RAB36: variants seen among roughly 807,000 people sequenced by gnomAD.
RAB36 encodes ras-related protein Rab-36.
In RAB36, 33 loss-of-function variants were observed where a neutral mutation model predicts 39.3. The observed-to-expected ratio is 0.84, with a 90% CI of 0.64 to 1.12. RAB36 has a LOEUF of 1.12. RAB36 is among the 50% of genes most tolerant of loss of function. RAB36 has a pLI of 0.00. For missense variants in RAB36, 308 were observed against 355.3 expected, an observed-to-expected ratio of 0.87 and a Z score of 1.07; for synonymous variants, 133 against 140.2, an observed-to-expected ratio of 0.95 and a Z score of 0.36.
chr22:23,169,237 C>T (rs553053787), downstream of RAB36, among the ~76,000 whole-genome samples: 3 of 152,344 alleles, frequency 2.0e-5, no homozygotes, highest in Admixed American at 6.5e-5. Flanking sequence ...ATCTTTGCTC[C>T]GCACTCTGGC....
At position 23,162,605 on chromosome 22, in the gene RAB36, A is replaced by C. The variant is rs1288063954; in HGVS notation, c.*1041A>C. On this transcript the variant is annotated 3_prime_UTR_variant, in exon 11 of 11. Transcript: ENST00000263116. ...GACAGAAATACCCCACACATTCCCCAGCCTCTCTGCCCAGTATGCTCATCC... is the reference window on the plus strand; with the variant it reads ...GACAGAAATACCCCACACATTCCCCCGCCTCTCTGCCCAGTATGCTCATCC... 1 of 455,212 alleles carries C rather than the reference A, an allele frequency of 2.2e-6. No individual in the cohort carries two copies. The highest frequency in any genetic ancestry group is 4.4e-6 in the Non-Finnish European group (1 of 226,222). 28.2% of individuals were successfully genotyped at this position (455,212 alleles called of 1,614,324 possible).
chr22:23,159,742 CAG>C (rs547921889), intron 9 of RAB36, among the ~76,000 whole-genome samples: 96 of 152,328 alleles, frequency 6.3e-4, no homozygotes, highest in Middle Eastern at 3.4e-3. Context: ...GGCCCAGTGA[CAG>C]GGGCTCCCAT....
chr22:23,158,443 T>A (rs1018875285), intron 7 of RAB36, among the ~76,000 whole-genome samples: 2 of 152,180 alleles, frequency 1.3e-5, no homozygotes, highest in African/African-American at 4.8e-5. Flanking sequence ...CTTGCAGTCT[T>A]GAGAAGAGAG....
At chr22:23,152,931 G>A in intron 4 of RAB36, 102 bp from the exon 5 acceptor site, 1 of 832,976 alleles carries the variant, frequency 1.2e-6, no homozygotes, top group Non-Finnish European at 2.0e-6. Flanking sequence ...TTCCTGATGG[G>A]AAGTGGACCT....
At chr22:23,150,248 G>A (rs1010621266) in intron 3 of RAB36, 94 bp downstream of exon 3, 14 of 1,020,160 alleles carry the variant, frequency 1.4e-5, no homozygotes, top group African/African-American at 6.3e-5. Context: ...ACACACACAC[G>A]AGGCTGGTGC....
rs1367545094 is a variant in RAB36 at position 23,146,689 on chromosome 22, G to A, written c.69+4G>A. On this transcript the variant is annotated splice_donor_region_variant and intron_variant, in intron 2 of 10. Transcript: ENST00000263116. ...TGTCATCGCCAGCTTCCCTAAGGTA[G>A]AGAGTCATTACGTCTGCAGTGCTCT... The A allele has an allele frequency of 1.9e-6, 3 of 1,613,558 alleles. No individual in the cohort carries two copies.
upstream of RAB36, chr22:23,145,402 G>A (rs551752308): frequency 6.2e-7 from 1 of 1,609,458 alleles, no homozygotes; most frequent in Non-Finnish European, 8.5e-7. Context: ...GCTTGGACGC[G>A]CCGCTGCCAG....
Position 23,146,566 on chromosome 22 carries a change from A to G in RAB36, c.-12-39A>G, listed in dbSNP as rs751154717. 9.3e-6 allele frequency: 15 copies of G among 1,605,980 alleles called. No homozygotes were observed. In the South Asian group the frequency reaches 9.9e-5, roughly 11 times the overall value. ...CATGGGTGAATCCCCAGGTATTTGC[A>G]CAGCTCCTTAACTGTCTTTCTCCTG... On this transcript the variant is annotated intron_variant, in intron 1 of 10. Transcript: ENST00000263116.
chr22:23,167,251 G>A (rs1430797617), downstream of RAB36, among the ~76,000 whole-genome samples: 1 of 152,078 alleles, frequency 6.6e-6, no homozygotes, highest in Non-Finnish European at 1.5e-5. Flanking sequence ...GAGTTTATTC[G>A]CATGGCCCCA....
In RAB36 at chr22:23,146,669, T is replaced by C. The variant is rs1172313858; in HGVS notation, c.53T>C (p.Ile18Thr). ...LGPPVSRDRV[I>T]ASFPKWYTPE... is the part of the protein sequence containing the mutation. ...CCCCCTGTGAGCCGCGACCGTGTCA[T>C]CGCCAGCTTCCCTAAGGTAGAGAGT... The change falls in exon 2 of 11, where the codon ATC becomes ACC. Residue 18 changes from isoleucine (I) to threonine (T), a missense_variant. Transcript: ENST00000263116. The C allele has an allele frequency of 6.2e-7, 1 of 1,614,014 alleles. No individual in the cohort carries two copies. Among genetic ancestry groups the C allele is most frequent in the Non-Finnish European group, 8.5e-7 (1 of 1,179,958 alleles).
intron 3 of RAB36, among the ~76,000 whole-genome samples, chr22:23,151,120 G>GC (rs1272521154): frequency 1.3e-5 from 2 of 152,258 alleles, no homozygotes; most frequent in African/African-American, 4.8e-5. Flanking sequence ...CGATGAGGCT[G>GC]CCAGAGAGCG....
Position 23,158,982 on chromosome 22 carries a change from G to A in RAB36, c.528+3G>A, listed in dbSNP as rs2071621098. On this transcript the variant is annotated splice_donor_region_variant and intron_variant, in intron 8 of 10. Coordinates refer to ENST00000263116, the MANE Select transcript of RAB36 (RefSeq NM_004914.5). ...TGGGAACCAAGAAGGACCTTCTGGTGAGCAGAGTGGCACTGGTGGTCTGGG... is the reference window on the plus strand; with the variant it reads ...TGGGAACCAAGAAGGACCTTCTGGTAAGCAGAGTGGCACTGGTGGTCTGGG... 1 of 1,613,942 alleles carries A rather than the reference G, an allele frequency of 6.2e-7. No individual in the cohort carries two copies. The highest frequency in any genetic ancestry group is 8.5e-7 in the Non-Finnish European group (1 of 1,179,806).
At chr22:23,152,400 T>A in intron 3 of RAB36, 61 bp from the exon 4 acceptor site, 2 of 1,549,772 alleles carry the variant, frequency 1.3e-6, no homozygotes, top group Non-Finnish European at 1.8e-6. Flanking sequence ...GAAGGGGCTG[T>A]GAGTGTCTGA....
downstream of RAB36, among the ~76,000 whole-genome samples, chr22:23,167,099 G>C (rs1308791797): frequency 2.6e-5 from 4 of 151,980 alleles, no homozygotes; most frequent in East Asian, 5.8e-4. Context: ...CTGAACTCCT[G>C]GTCCCTCCCC....
chr22:23,153,749 T>G (rs1601916128), intron 5 of RAB36: 1 of 626,334 alleles, frequency 1.6e-6, no homozygotes, highest in Non-Finnish European at 1.9e-6. Flanking sequence ...CAGGCTGGAG[T>G]GCAGTGGCGC....
chr22:23,150,055 CTT>C lies in RAB36; in HGVS notation c.70-6_70-5del. 1 of 1,601,210 alleles carries C rather than the reference CTT, an allele frequency of 6.2e-7. No homozygotes were observed. The highest frequency in any genetic ancestry group is 8.5e-7 in the Non-Finnish European group (1 of 1,173,002). The stretch of plus-strand genomic sequence containing the variant: ...GGATGATGTGTCCGTCTGTCTGTCT[CTT>C]TGCAGTGGTACACGCCGGAAGCCTG... On this transcript the variant is annotated splice_region_variant and splice_polypyrimidine_tract_variant and intron_variant, in intron 2 of 10. Coordinates refer to ENST00000263116, the MANE Select transcript of RAB36 (RefSeq NM_004914.5).
Position 23,146,650 on chromosome 22 carries a change from G to A in RAB36, c.34G>A (p.Val12Met). 6.2e-7 allele frequency: 1 copy of A among 1,614,090 alleles called. No individual in the cohort carries two copies. Among genetic ancestry groups the A allele is most frequent in the Non-Finnish European group, 8.5e-7 (1 of 1,179,982 alleles). Residue 12 changes from valine to methionine, a missense_variant, in exon 2 of 11, where the codon GTG becomes ATG. Transcript: ENST00000263116. ...CTCCCTGACACCTTTGGGGCCCCCT[G>A]TGAGCCGCGACCGTGTCATCGCCAG... ...RSSLTPLGPP[V>M]SRDRVIASFP...
At chr22:23,146,581 T>C in intron 1 of RAB36, 24 bp from the exon 2 acceptor site, 1 of 1,611,858 alleles carries the variant, frequency 6.2e-7, no homozygotes, top group Non-Finnish European at 8.5e-7. Flanking sequence ...TCCTTAACTG[T>C]CTTTCTCCTG....
chr22:23,154,599 C>T (rs770110910), intron 5 of RAB36, among the ~76,000 whole-genome samples: 46 of 152,276 alleles, frequency 3.0e-4, no homozygotes, highest in Non-Finnish European at 5.7e-4. Flanking sequence ...TGGGCTCACC[C>T]GTGTGACCAC....
Sources: allele counts gnomAD v4.1 joint callset (sites outside exome capture counted in the v4.1 genomes callset), GRCh38; gene constraint gnomAD v4.1.1; transcripts MANE v1.5; gene names NCBI Gene and HGNC (gene_info 2026-07-23, HGNC 2026-07-21).